The following PPP2R2B variants were observed in gnomAD, a reference collection of about 807,000 sequenced individuals.
PPP2R2B encodes serine/threonine-protein phosphatase 2A 55 kDa regulatory subunit B beta isoform.
A neutral mutation model predicts 46.0 loss-of-function variants in PPP2R2B; 5 were observed. The ratio of observed to expected loss-of-function variants is 0.11; its 90% confidence interval spans 0.06 to 0.23. The LOEUF is 0.23. Ranked by LOEUF, PPP2R2B falls within the 10% of genes least tolerant of loss-of-function variation. PPP2R2B has a pLI of 1.00. For missense variants in PPP2R2B, 367 were observed against 575.0 expected (o/e 0.64, Z 3.70); for synonymous variants, 215 against 206.7 (o/e 1.04, Z -0.34).
At chr5:146,901,253 ACTT>A (rs1762826408) in intron 1 of PPP2R2B, among the ~76,000 whole-genome samples, 1 of 152,188 alleles carries the variant, frequency 6.6e-6, no homozygotes, top group South Asian at 2.1e-4. Flanking sequence ...TAATCCCAGC[ACTT>A]TGGGAGGCTG....
intron 5 of PPP2R2B, among the ~76,000 whole-genome samples, chr5:146,680,005 G>C (rs1445732971): frequency 6.9e-6 from 1 of 145,870 alleles, no homozygotes; most frequent in East Asian, 2.1e-4. Flanking sequence ...CAGGGATCTA[G>C]AACTAGAAAT....
At chr5:146,835,241 GTAT>G (rs1759209785) in intron 2 of PPP2R2B, among the ~76,000 whole-genome samples, 1 of 151,890 alleles carries the variant, frequency 6.6e-6, no homozygotes, top group African/African-American at 2.4e-5. Flanking sequence ...AATAAACAAT[GTAT>G]TATATTGTTT....
intron 1 of PPP2R2B, among the ~76,000 whole-genome samples, chr5:147,012,909 C>T (rs1277820309): frequency 6.6e-6 from 1 of 152,066 alleles, no homozygotes; most frequent in African/African-American, 2.4e-5. Context: ...AATCTTAATC[C>T]TGAGTTCTAG....
rs1003964393 is a variant in PPP2R2B at position 146,663,492 on chromosome 5, G to A, written c.448-12768C>T. 2.6e-5 allele frequency among the ~76,000 whole-genome samples: 4 copies of A among 152,070 alleles called. No homozygotes were observed. In the East Asian group the frequency reaches 7.7e-4, roughly 29 times the overall value. Reference sequence around the variant, plus strand: ...AACATCCGTAAATAACAATATACAGGCATGTCCCAGAGATACTGCAAGTTC... The same window carrying A: ...AACATCCGTAAATAACAATATACAGACATGTCCCAGAGATACTGCAAGTTC... On this transcript the variant is annotated intron_variant, in intron 5 of 9. Coordinates refer to ENST00000394411, the MANE Select transcript of PPP2R2B (RefSeq NM_181675.4).
intron 2 of PPP2R2B, among the ~76,000 whole-genome samples, chr5:146,747,189 G>A (rs546133404): frequency 3.3e-5 from 5 of 152,232 alleles, no homozygotes; most frequent in South Asian, 2.1e-4. Context: ...CTCTGCTATC[G>A]CTGAGTCAGA....
intron 2 of PPP2R2B, among the ~76,000 whole-genome samples, chr5:146,727,525 G>C (rs1751950249): frequency 1.3e-5 from 2 of 152,108 alleles, no homozygotes; most frequent in South Asian, 4.2e-4. Flanking sequence ...TCTAGAAGGT[G>C]GGAAGGTAGA....
chr5:146,715,059 C>T (rs984017887), intron 2 of PPP2R2B, among the ~76,000 whole-genome samples: 2 of 152,138 alleles, frequency 1.3e-5, no homozygotes, highest in East Asian at 3.9e-4. Context: ...TTTTGGCCTT[C>T]CTTAACTTTC....
intron 1 of PPP2R2B, among the ~76,000 whole-genome samples, chr5:147,053,573 A>ACACACAC (rs1561602047): frequency 5.1e-5 from 3 of 59,040 alleles, no homozygotes; most frequent in African/African-American, 1.3e-4. Flanking sequence ...CACACACACA[A>ACACACAC]CCTCAGATGT....
chr5:146,781,223 A>C (rs1045592358), intron 2 of PPP2R2B, among the ~76,000 whole-genome samples: 63 of 144,706 alleles, frequency 4.4e-4, no homozygotes, highest in African/African-American at 1.6e-3. Flanking sequence ...AGACACACTA[A>C]GTAAACCTGC....
intron 7 of PPP2R2B, among the ~76,000 whole-genome samples, chr5:146,617,626 G>C (rs1014964000): frequency 6.6e-6 from 1 of 151,832 alleles, no homozygotes. Flanking sequence ...CCATGCCTAC[G>C]CTCCTTCAAC....
intron 9 of PPP2R2B, chr5:146,592,165 C>T: frequency 2.2e-6 from 1 of 444,978 alleles, no homozygotes; most frequent in Non-Finnish European, 4.5e-6. Context: ...TGACTTGGGT[C>T]CTTTGCCACG....
intron 4 of PPP2R2B, among the ~76,000 whole-genome samples, chr5:146,694,396 A>C (rs1341801589): frequency 2.6e-5 from 4 of 152,218 alleles, no homozygotes; most frequent in African/African-American, 7.2e-5. Flanking sequence ...GAACATCCCC[A>C]AAATTTTAAT....
intron 2 of PPP2R2B, among the ~76,000 whole-genome samples, chr5:147,073,503 T>C (rs1757665399): frequency 1.3e-5 from 2 of 152,178 alleles, no homozygotes; most frequent in Admixed American, 6.5e-5. Flanking sequence ...TGTAGCCTAC[T>C]AGGTGCAGAG....
At chr5:146,809,894 A>T (rs1360865913) in intron 2 of PPP2R2B, among the ~76,000 whole-genome samples, 2 of 152,090 alleles carry the variant, frequency 1.3e-5, no homozygotes, top group Non-Finnish European at 2.9e-5. Context: ...AGTGGCTTAG[A>T]CTCACATGGT....
chr5:146,608,578 C>T (rs957888469), intron 7 of PPP2R2B, among the ~76,000 whole-genome samples: 59 of 152,090 alleles, frequency 3.9e-4, no homozygotes, highest in African/African-American at 1.4e-3. Context: ...AGGTAGATCA[C>T]GAAGTCAGGA....
chr5:147,043,957 AACTT>A lies in PPP2R2B; in HGVS notation c.79+11704_79+11707del, dbSNP rs139320326. On this transcript the variant is annotated intron_variant, in intron 1 of 8. Transcript: ENST00000336640. The stretch of plus-strand genomic sequence containing the variant: ...GCTTGCTAACTATGTGACTTTGGGC[AACTT>A]ACTTATCTTTCTGGGCTTTGGTGTC... 9.3e-3 allele frequency among the ~76,000 whole-genome samples: 1,408 copies of A among 152,210 alleles called. 63 individuals carry two copies. The East Asian group carries it at 0.14, about 16-fold the overall frequency.
chr5:146,895,679 A>T (rs1175586250), intron 1 of PPP2R2B, among the ~76,000 whole-genome samples: 1 of 152,196 alleles, frequency 6.6e-6, no homozygotes, highest in Admixed American at 6.5e-5. Context: ...TTGAGATAAA[A>T]AATTTTGTTC....
At chr5:146,682,767 G>A (rs560402743) in intron 5 of PPP2R2B, among the ~76,000 whole-genome samples, 2 of 152,316 alleles carry the variant, frequency 1.3e-5, no homozygotes, top group Non-Finnish European at 2.9e-5. Context: ...GAAGGGGAAA[G>A]AAGTTGAGTT....
intron 1 of PPP2R2B, among the ~76,000 whole-genome samples, chr5:147,042,077 C>T (rs887205422): frequency 2.0e-5 from 3 of 152,132 alleles, no homozygotes; most frequent in African/African-American, 4.8e-5. Context: ...CCCAGGAATT[C>T]GTCCGATTGA....
Sources: allele counts gnomAD v4.1 joint callset (sites outside exome capture counted in the v4.1 genomes callset), GRCh38; gene constraint gnomAD v4.1.1; transcripts MANE v1.5; gene names NCBI Gene and HGNC (gene_info 2026-07-23, HGNC 2026-07-21).